Variants in SEMA3E observed in about 807,000 individuals in gnomAD.
SEMA3E encodes semaphorin-3E.
SEMA3E carries 49 observed loss-of-function variants against 93.6 expected under a neutral mutation model. The ratio of observed to expected loss-of-function variants is 0.52; its 90% CI spans 0.42 to 0.66. SEMA3E has a LOEUF of 0.66. Among genes scored for constraint, SEMA3E ranks in the 30% least tolerant of loss-of-function variants. The pLI is 0.00. For synonymous variants in SEMA3E, 363 were observed against 330.7 expected, an observed-to-expected ratio of 1.10 and a Z score of -1.06; for missense variants, 906 against 964.8, an observed-to-expected ratio of 0.94 and a Z score of 0.81.
At chr7:83,623,641 A>G (rs761998192) in intron 1 of SEMA3E, among the ~76,000 whole-genome samples, 1 of 152,042 alleles carries the variant, frequency 6.6e-6, no homozygotes, top group Non-Finnish European at 1.5e-5. Flanking sequence ...CACATTTAAC[A>G]TGAATTTAGG....
chr7:83,410,436 A>T (rs1435405937), intron 5 of SEMA3E, among the ~76,000 whole-genome samples: 1 of 152,066 alleles, frequency 6.6e-6, no homozygotes, highest in African/African-American at 2.4e-5. Context: ...AAACTAAATG[A>T]CTATTTAAAT....
At chr7:83,383,467 G>T (rs919367414) in intron 16 of SEMA3E, among the ~76,000 whole-genome samples, 1 of 151,814 alleles carries the variant, frequency 6.6e-6, no homozygotes, top group Non-Finnish European at 1.5e-5. Context: ...AATAAAGTCA[G>T]AATTTTGTGT....
At chr7:83,531,984 G>A (rs907018282) in intron 1 of SEMA3E, among the ~76,000 whole-genome samples, 4 of 152,032 alleles carry the variant, frequency 2.6e-5, no homozygotes, top group Non-Finnish European at 5.9e-5. Flanking sequence ...TTGGCTTTTG[G>A]CTCTGAAAAC....
intron 1 of SEMA3E, among the ~76,000 whole-genome samples, chr7:83,595,310 G>C (rs1123946): frequency 0.27 from 40,785 of 151,744 alleles, 6,528 homozygotes; most frequent in South Asian, 0.35. Context: ...TTTTCTTTAT[G>C]TAACACATTT....
intron 16 of SEMA3E, among the ~76,000 whole-genome samples, chr7:83,371,200 C>T (rs1275377194): frequency 6.6e-6 from 1 of 152,152 alleles, no homozygotes; most frequent in Non-Finnish European, 1.5e-5. Flanking sequence ...TTCTGAACCA[C>T]TTTCAAAGCC....
At chr7:83,596,200 A>C (rs574239711) in intron 1 of SEMA3E, among the ~76,000 whole-genome samples, 2 of 152,120 alleles carry the variant, frequency 1.3e-5, no homozygotes, top group East Asian at 3.9e-4. Flanking sequence ...TTCCAGCTTC[A>C]GCCATTGTGA....
At chr7:83,584,900 C>T (rs924644066) in intron 1 of SEMA3E, among the ~76,000 whole-genome samples, 2 of 152,110 alleles carry the variant, frequency 1.3e-5, no homozygotes, top group African/African-American at 2.4e-5. Context: ...CCAAAAAACT[C>T]AGTTATATTG....
At chr7:83,368,975 A>C (rs1794715459) in intron 16 of SEMA3E, among the ~76,000 whole-genome samples, 1 of 152,298 alleles carries the variant, frequency 6.6e-6, no homozygotes, top group African/African-American at 2.4e-5. Context: ...AGATAACTTA[A>C]TAACCTGAAA....
At chr7:83,556,783 A>T (rs1260365570) in intron 1 of SEMA3E, among the ~76,000 whole-genome samples, 1 of 152,224 alleles carries the variant, frequency 6.6e-6, no homozygotes, top group Non-Finnish European at 1.5e-5. Context: ...AGGTCTGGTC[A>T]TTGGGAGGTC....
At chr7:83,390,048 C>CATGTATATGT (rs1787977224) in intron 14 of SEMA3E, among the ~76,000 whole-genome samples, 1 of 50,478 alleles carries the variant, frequency 2.0e-5, no homozygotes, top group African/African-American at 4.4e-5. Flanking sequence ...CATATATGCG[C>CATGTATATGT]GTATACGTGT....
chr7:83,455,376 C>A (rs1789459073), intron 4 of SEMA3E, among the ~76,000 whole-genome samples: 1 of 152,186 alleles, frequency 6.6e-6, no homozygotes, highest in Admixed American at 6.5e-5. Flanking sequence ...TTAAGAGGAG[C>A]ACTACAAAGT....
chr7:83,432,909 A>T (rs921184264), intron 4 of SEMA3E, among the ~76,000 whole-genome samples: 1 of 152,172 alleles, frequency 6.6e-6, no homozygotes, highest in African/African-American at 2.4e-5. Context: ...CATAAATCTT[A>T]TTGTAATTTT....
intron 4 of SEMA3E, among the ~76,000 whole-genome samples, chr7:83,458,323 T>C (rs998806015): frequency 2.0e-5 from 3 of 151,478 alleles, no homozygotes; most frequent in African/African-American, 7.3e-5. Flanking sequence ...AAGAAAATGA[T>C]GATAAACTAT....
intron 4 of SEMA3E, among the ~76,000 whole-genome samples, chr7:83,459,002 A>T (rs1255883693): frequency 6.9e-6 from 1 of 144,864 alleles, no homozygotes; most frequent in Non-Finnish European, 1.5e-5. Flanking sequence ...CACTGAAGGA[A>T]AGGAGTGGGT....
chr7:83,434,707 TTC>T (rs1452937878), intron 4 of SEMA3E, among the ~76,000 whole-genome samples: 11 of 117,862 alleles, frequency 9.3e-5, no homozygotes, highest in African/African-American at 1.2e-4. Context: ...TCAACTGTAT[TTC>T]TTTTTTTTTT....
intron 4 of SEMA3E, among the ~76,000 whole-genome samples, chr7:83,452,213 G>A (rs1789378002): frequency 6.6e-6 from 1 of 152,046 alleles, no homozygotes; most frequent in South Asian, 2.1e-4. Context: ...TCAGAATAAG[G>A]ACTGCAAAAT....
chr7:83,580,849 G>A (rs890584825), intron 1 of SEMA3E, among the ~76,000 whole-genome samples: 1 of 151,824 alleles, frequency 6.6e-6, no homozygotes, highest in Non-Finnish European at 1.5e-5. Flanking sequence ...GTGAATATTT[G>A]TTCAATAAAT....
chr7:83,535,640 T>C (rs936303581), intron 1 of SEMA3E, among the ~76,000 whole-genome samples: 2 of 152,184 alleles, frequency 1.3e-5, no homozygotes, highest in Non-Finnish European at 2.9e-5. Flanking sequence ...TGCATGTTTA[T>C]ACCTTTTTAT....
intron 16 of SEMA3E, among the ~76,000 whole-genome samples, chr7:83,383,892 C>A (rs2116914422): frequency 6.6e-6 from 1 of 152,082 alleles, no homozygotes; most frequent in African/African-American, 2.4e-5. Flanking sequence ...AGGTCCTTTT[C>A]TGCCAAGGGA....
Sources: gnomAD v4.1 joint callset for allele counts (sites outside exome capture counted in the v4.1 genomes callset) on GRCh38, gnomAD v4.1.1 for gene constraint, MANE v1.5 for transcripts, NCBI Gene and HGNC (gene_info 2026-07-23, HGNC 2026-07-21) for gene names.